The following PAQR3 variants were observed in gnomAD, a reference collection of about 807,000 sequenced individuals.
The protein encoded by PAQR3 is Raf kinase trapping to Golgi.
PAQR3 carries 39 observed loss-of-function variants against 41.7 expected under a neutral mutation model. That is an observed-to-expected ratio of 0.93 (90% CI 0.72 to 1.22). The LOEUF is 1.22. Among genes scored for constraint, PAQR3 ranks in the 50% most tolerant of loss-of-function variants. The pLI is 0.00. For missense variants in PAQR3, 366 were observed against 385.6 expected (o/e 0.95, Z 0.42); for synonymous variants, 140 against 140.6 (o/e 1.00, Z 0.03).
intron 5 of PAQR3, chr4:78,922,375 C>T (rs531495528): frequency 3.2e-5 from 41 of 1,288,548 alleles, no homozygotes; most frequent in East Asian, 1.1e-4. Flanking sequence ...TCCCAACACA[C>T]GTGACGAGTG....
chr4:78,930,084 A>T, intron 3 of PAQR3, 86 bp downstream of exon 3: 2 of 1,284,136 alleles, frequency 1.6e-6, no homozygotes, highest in Non-Finnish European at 1.1e-6. Context: ...TTAATTATGT[A>T]CTTATTCAGA....
chr4:78,927,972 G>A (rs1736414101), intron 3 of PAQR3, among the ~76,000 whole-genome samples: 1 of 152,140 alleles, frequency 6.6e-6, no homozygotes. Context: ...GTCTTTTATA[G>A]GTCTACAGCA....
In PAQR3 at chr4:78,918,524, CAG is replaced by C. The variant is rs1735317490; in HGVS notation, c.*2013_*2014del. On this transcript the variant is annotated 3_prime_UTR_variant, in exon 6 of 6. Coordinates refer to ENST00000512733, the MANE Select transcript of PAQR3 (RefSeq NM_001040202.2). ...TCTTACAATATTTAACATTTTCATACAGAGTTGAAATGTTTACATGGAATAAT... is the reference window on the plus strand; with the variant it reads ...TCTTACAATATTTAACATTTTCATACAGTTGAAATGTTTACATGGAATAAT... The C allele has an allele frequency of 1.0e-6, 1 of 969,326 alleles. No individual in the cohort carries two copies. The allele number at this position is 969,326 out of a possible 1,614,324, so 60.0% of individuals were successfully genotyped here.
rs1163160769 is a variant in PAQR3, at chr4:78,913,122, A to G, written c.*7417T>C. 1 of 151,130 alleles carries G rather than the reference A, an allele frequency of 6.6e-6. No individual in the cohort carries two copies. Among genetic ancestry groups the G allele is most frequent in the African/African-American group, 2.4e-5 (1 of 40,994 alleles). 9.4% of individuals were successfully genotyped at this position (151,130 alleles called of 1,614,324 possible). A position where few individuals can be genotyped will look rare whatever the true frequency, so the allele number is the denominator to read the frequency against. On this transcript the variant is annotated 3_prime_UTR_variant, in exon 6 of 6. Coordinates refer to ENST00000512733, the MANE Select transcript of PAQR3 (RefSeq NM_001040202.2). ...ATTCCCCAAGTCATAAGCAACAATT[A>G]TTTTTATTAGGTTTTGGGGGGTGGA...
rs1312776112 is a variant in PAQR3 at position 78,912,143 on chromosome 4, C to A, written c.*8396G>T. ...CTTTATAGCATTCATTCTTAAAGAT[C>A]AGTCAGAATAGGTGATTTCTAAATA... On this transcript the variant is annotated 3_prime_UTR_variant, in exon 6 of 6. Coordinates refer to ENST00000512733, the MANE Select transcript of PAQR3 (RefSeq NM_001040202.2). 6 of 965,684 alleles carry A rather than the reference C, an allele frequency of 6.2e-6. No homozygotes were observed. The Admixed American group carries it at 7.0e-5, about 11-fold the overall frequency. The allele number at this position is 965,684 out of a possible 1,614,324, so 59.8% of individuals were successfully genotyped here. A position where few individuals can be genotyped will look rare whatever the true frequency, so the allele number is the denominator to read the frequency against.
At chr4:78,936,730 C>A (rs987750448) in intron 1 of PAQR3, among the ~76,000 whole-genome samples, 11 of 152,224 alleles carry the variant, frequency 7.2e-5, no homozygotes, top group African/African-American at 2.7e-4. Context: ...ACAATCAGTA[C>A]TATGCTCTGC....
At chr4:78,887,358 GAAGT>G in intron 12 of PAQR3, 1 of 1,073,180 alleles carries the variant, frequency 9.3e-7, no homozygotes, top group Non-Finnish European at 1.4e-6. Flanking sequence ...TTATAAAGTG[GAAGT>G]AAGACTCTGA....
chr4:78,910,556 A>C, downstream of PAQR3: 1 of 1,354,202 alleles, frequency 7.4e-7, no homozygotes, highest in African/African-American at 1.5e-5. Flanking sequence ...ATTTAGTGCA[A>C]GAGGATTCTG....
Position 78,918,030 on chromosome 4 carries a change from A to ACTGT in PAQR3, c.*2505_*2508dup. On this transcript the variant is annotated 3_prime_UTR_variant, in exon 6 of 6. Coordinates refer to ENST00000512733, the MANE Select transcript of PAQR3 (RefSeq NM_001040202.2). ...AGTGTAATAACAAAAAAAGACAAGC[A>ACTGT]CTGTCTTGCTATTTGAAAATGGCTT... 3.1e-6 allele frequency: 3 copies of ACTGT among 979,200 alleles called. No homozygotes were observed. Among genetic ancestry groups the ACTGT allele is most frequent in the Non-Finnish European group, 3.6e-6 (3 of 823,970 alleles). 60.7% of individuals were successfully genotyped at this position (979,200 alleles called of 1,614,324 possible).
At chr4:78,887,979 T>C (rs1733193018) in intron 12 of PAQR3, 1 of 152,254 alleles carries the variant, frequency 6.6e-6, no homozygotes, top group East Asian at 1.9e-4. Flanking sequence ...TTCAGTTCTG[T>C]TCCTTTTGTT....
chr4:78,900,794 A>T (rs1733956201), intron 11 of PAQR3, among the ~76,000 whole-genome samples: 2 of 152,238 alleles, frequency 1.3e-5, no homozygotes, highest in Admixed American at 1.3e-4. Flanking sequence ...AGTTAAATTT[A>T]TAATGATCCA....
rs147412098 is a variant in PAQR3, at chr4:78,930,880, T to TTATATATATA, written c.349-565_349-556dup. 2.1e-3 allele frequency among the ~76,000 whole-genome samples: 318 copies of TTATATATATA among 150,356 alleles called. 1 individual carries two copies. Among genetic ancestry groups the TTATATATATA allele is most frequent in the Non-Finnish European group, 3.7e-3 (252 of 67,338 alleles). On this transcript the variant is annotated intron_variant, in intron 2 of 5. Coordinates refer to ENST00000512733, the MANE Select transcript of PAQR3 (RefSeq NM_001040202.2). Reference sequence around the variant, plus strand: ...ATATTAGTCTATACACATGCACACATTATATATATATATATATATATATAT... The same window carrying TTATATATATA: ...ATATTAGTCTATACACATGCACACATTATATATATATATATATATATATATATATATATAT...
intron 11 of PAQR3, among the ~76,000 whole-genome samples, chr4:78,889,456 TA>T (rs966144135): frequency 2.2e-4 from 33 of 152,248 alleles, no homozygotes; most frequent in African/African-American, 7.2e-4. Context: ...AATATTAAGT[TA>T]AAAAATCTAA....
chr4:78,935,464 C>A (rs1737331182), intron 1 of PAQR3, among the ~76,000 whole-genome samples, 181 bp from the exon 2 acceptor site: 1 of 152,136 alleles, frequency 6.6e-6, no homozygotes, highest in Non-Finnish European at 1.5e-5. Context: ...TCTACATCGC[C>A]ACCAAGTCTG....
intron 3 of PAQR3, among the ~76,000 whole-genome samples, chr4:78,927,839 A>T (rs931923820): frequency 2.0e-5 from 3 of 152,232 alleles, no homozygotes; most frequent in African/African-American, 4.8e-5. Context: ...TGGGGCTATT[A>T]ACTTTCTGAA....
At chr4:78,926,798 C>T in intron 3 of PAQR3, 80 bp from the exon 4 acceptor site, 3 of 1,243,506 alleles carry the variant, frequency 2.4e-6, no homozygotes, top group South Asian at 2.5e-5. Flanking sequence ...TTTTACACTA[C>T]AAATTCCAAA....
chr4:78,918,987 TG>T lies in PAQR3; in HGVS notation c.*1551del. On this transcript the variant is annotated 3_prime_UTR_variant, in exon 6 of 6. Transcript: ENST00000512733. ...TCAAAGCAGCCTTCCATCATAACGA[TG>T]GGTAAGACACGGTATTCCTTTACTG... 1.0e-6 allele frequency: 1 copy of T among 985,006 alleles called. No individual in the cohort carries two copies. The highest frequency in any genetic ancestry group is 1.2e-6 in the Non-Finnish European group (1 of 829,696). 61.0% of individuals were successfully genotyped at this position (985,006 alleles called of 1,614,324 possible). A position where few individuals can be genotyped will look rare whatever the true frequency, so the allele number is the denominator to read the frequency against.
At chr4:78,922,196 A>G (rs1398625364) in intron 5 of PAQR3, 1 of 1,060,066 alleles carries the variant, frequency 9.4e-7, no homozygotes, top group Non-Finnish European at 1.2e-6. Flanking sequence ...TCTTCAATTC[A>G]GTGGCATGTC....
At chr4:78,935,329 T>G in intron 1 of PAQR3, 46 bp from the exon 2 acceptor site, 6 of 1,543,882 alleles carry the variant, frequency 3.9e-6, no homozygotes, top group Non-Finnish European at 5.3e-6. Flanking sequence ...TTGGCCAACT[T>G]ACTGTCACGT....
Sources: allele counts gnomAD v4.1 joint callset (sites outside exome capture counted in the v4.1 genomes callset), GRCh38; gene constraint gnomAD v4.1.1; transcripts MANE v1.5; gene names NCBI Gene and HGNC (gene_info 2026-07-23, HGNC 2026-07-21).